GRHL1: variants seen among roughly 807,000 people sequenced by gnomAD.
GRHL1 encodes grainyhead like transcription factor 1.
In GRHL1, 38 loss-of-function variants were observed where a neutral mutation model predicts 75.7. That is an observed-to-expected ratio of 0.50 (90% CI 0.39 to 0.66). The LOEUF is 0.66. GRHL1 is among the 30% of genes least tolerant of loss of function. The probability of loss-of-function intolerance (pLI) is 0.00; values close to 1 mark genes in which losing one functional copy is unlikely to be tolerated. For synonymous variants in GRHL1, 266 were observed against 279.4 expected (o/e 0.95, Z 0.48); for missense variants, 589 against 767.5 (o/e 0.77, Z 2.75).
chr2:9,973,482 AT>A (rs573490856), intron 8 of GRHL1, among the ~76,000 whole-genome samples: 5 of 152,222 alleles, frequency 3.3e-5, no homozygotes, highest in African/African-American at 4.8e-5. Context: ...TTCCTGGCTA[AT>A]TCAACTTTGA....
rs542650437 is a variant in GRHL1, at chr2:9,993,231, T to C, written c.1486T>C (p.Leu496=). 9.9e-6 allele frequency: 16 copies of C among 1,610,756 alleles called. No individual in the cohort carries two copies. In the African/African-American group the frequency reaches 1.2e-4, roughly 12 times the overall value. The change falls in exon 12 of 16, where the codon TTG becomes CTG. Residue 496 remains leucine (L), a synonymous_variant. Coordinates refer to ENST00000324907, the MANE Select transcript of GRHL1 (RefSeq NM_198182.3). ...GGTCCTTCCCATTGCCTCTGAAGAA[T>C]TGGAGGGTGAAGGGTAAGATTTATG... ...THVLPIASEE[L]EGEGSVLKRG... is the part of the protein sequence containing the mutation.
At chr2:9,956,104 T>C (rs1330058171) in intron 2 of GRHL1, among the ~76,000 whole-genome samples, 1 of 152,262 alleles carries the variant, frequency 6.6e-6, no homozygotes, top group Non-Finnish European at 1.5e-5. Context: ...TTTTTTACAG[T>C]TTATTTTTGC....
intron 3 of GRHL1, chr2:9,960,360 A>T (rs992661891): frequency 3.3e-5 from 5 of 152,014 alleles, no homozygotes; most frequent in Non-Finnish European, 7.3e-5. Flanking sequence ...AATCGCTTGA[A>T]CCCGGGAGGC....
chr2:9,974,759 C>T lies in GRHL1; in HGVS notation c.1110+9378C>T, dbSNP rs562289172. Among the ~76,000 whole-genome samples the T allele has an allele frequency of 2.6e-5, 4 of 152,370 alleles. No homozygotes were observed. The South Asian group carries it at 8.3e-4, about 32-fold the overall frequency. On this transcript the variant is annotated intron_variant, in intron 8 of 15. Coordinates refer to ENST00000324907, the MANE Select transcript of GRHL1 (RefSeq NM_198182.3). ...CTTAGGAAGTCATGTTGCAGGGAGT[C>T]AGCTTCCCGAACTATACATTCATTC... is the stretch of plus-strand genomic sequence containing the variant.
At chr2:9,981,827 T>G (rs1215017684) in intron 8 of GRHL1, among the ~76,000 whole-genome samples, 1 of 152,132 alleles carries the variant, frequency 6.6e-6, no homozygotes, top group Non-Finnish European at 1.5e-5. Flanking sequence ...TAAGACAGGG[T>G]CTTCTCAAGG....
rs751615000 is a variant in GRHL1 at position 9,954,986 on chromosome 2, AG to A, written c.94del (p.Ala32ProfsTer17). ...CGGCGGTCCTACACTAGTGAGGATG[AG>A]GCCTGGAAATCCTTCCTGGAAAACC... ...PQRRSYTSEDEAWKSFLENPL... is the reference protein window; with the variant it reads ...PQRRSYTSEDXAWKSFLENPL... On this transcript the variant is annotated frameshift_variant, in exon 2 of 16. Transcript: ENST00000324907. LOFTEE classifies it high-confidence loss of function. 6.2e-7 allele frequency: 1 copy of A among 1,612,188 alleles called. No individual in the cohort carries two copies. The highest frequency in any genetic ancestry group is 8.5e-7 in the Non-Finnish European group (1 of 1,178,330).
chr2:9,966,487 C>T (rs1385659138), intron 8 of GRHL1: 1 of 152,114 alleles, frequency 6.6e-6, no homozygotes. Context: ...GTTTTCCTTA[C>T]AATATTAGGT....
At chr2:9,960,052 G>A (rs1667204331) in intron 3 of GRHL1, 2 of 152,164 alleles carry the variant, frequency 1.3e-5, no homozygotes, top group Non-Finnish European at 2.9e-5. Context: ...AAATCATCTT[G>A]TATTGCTCAA....
At chr2:9,973,294 C>T (rs1461766989) in intron 8 of GRHL1, among the ~76,000 whole-genome samples, 1 of 152,178 alleles carries the variant, frequency 6.6e-6, no homozygotes, top group African/African-American at 2.4e-5. Context: ...GTCTGTGACT[C>T]AGTCCCCAGT....
rs1263091688 is a variant in GRHL1 at position 9,968,582 on chromosome 2, A to T, written c.1110+3201A>T. On this transcript the variant is annotated intron_variant, in intron 8 of 15. Transcript: ENST00000324907. This position sits in a 1 kb window ranked among gnomAD's most constrained non-coding sequence, Gnocchi z 4.7. Reference sequence around the variant, plus strand: ...TGCTTGAGGTAATTTTTGCAGAGAGAAGAAGCAATTGCCTTTGAAGCATTA... The same window carrying T: ...TGCTTGAGGTAATTTTTGCAGAGAGTAGAAGCAATTGCCTTTGAAGCATTA... 6.6e-6 allele frequency among the ~76,000 whole-genome samples: 1 copy of T among 152,190 alleles called. No individual in the cohort carries two copies. The highest frequency in any genetic ancestry group is 1.5e-5 in the Non-Finnish European group (1 of 68,032).
intron 2 of GRHL1, among the ~76,000 whole-genome samples, chr2:9,957,827 A>G (rs1160157490): frequency 6.6e-6 from 1 of 152,204 alleles, no homozygotes; most frequent in Non-Finnish European, 1.5e-5. Context: ...ATCTCAGTTG[A>G]GTTATTTCTA....
At chr2:9,998,165 G>A (rs1668955278) in intron 14 of GRHL1, among the ~76,000 whole-genome samples, 1 of 152,116 alleles carries the variant, frequency 6.6e-6, no homozygotes, top group Non-Finnish European at 1.5e-5. Context: ...GCCAGCCTGA[G>A]GATGGTCTGG....
chr2:9,996,874 A>G (rs930365508), intron 14 of GRHL1, among the ~76,000 whole-genome samples: 5 of 152,242 alleles, frequency 3.3e-5, no homozygotes, highest in African/African-American at 9.6e-5. Context: ...CCGTAAGTCC[A>G]TCTTACGAGG....
At chr2:9,959,644 A>G (rs1667181736) in intron 3 of GRHL1, 1 of 152,232 alleles carries the variant, frequency 6.6e-6, no homozygotes, top group African/African-American at 2.4e-5. Flanking sequence ...TTCAAACATA[A>G]TAAAAATAGA....
At position 9,998,997 on chromosome 2, in the gene GRHL1, G is replaced by C; in HGVS notation, c.1710G>C (p.Lys570Asn). ...ACAAATACGATGTTCCCCATGACAA[G>C]ATTGGGAAAATATTCAAGAAGTGTA... ...ISDKYDVPHD[K>N]IGKIFKKCKK... The change falls in exon 15 of 16, where the codon AAG becomes AAC. Residue 570 changes from lysine to asparagine, a missense_variant. By Grantham distance (94) the Lys-to-Asn change is moderately conservative. Coordinates refer to ENST00000324907, the MANE Select transcript of GRHL1 (RefSeq NM_198182.3). The C allele has an allele frequency of 1.9e-6, 3 of 1,581,764 alleles. No homozygotes were observed. The highest frequency in any genetic ancestry group is 2.6e-6 in the Non-Finnish European group (3 of 1,160,846).
chr2:9,986,648 G>A (rs1489635417), intron 9 of GRHL1, among the ~76,000 whole-genome samples: 3 of 151,878 alleles, frequency 2.0e-5, no homozygotes, highest in Non-Finnish European at 4.4e-5. Flanking sequence ...CAACTCCTGA[G>A]CTCAGGTAAT....
rs1186392045 is a variant in GRHL1 at position 10,001,417 on chromosome 2, AAT to A, written c.*716_*717del. On this transcript the variant is annotated 3_prime_UTR_variant, in exon 16 of 16. Coordinates refer to ENST00000324907, the MANE Select transcript of GRHL1 (RefSeq NM_198182.3). ...AATGTGTACATACATGTCTTATATA[AAT>A]ATATAATATATAAATATGGTGTCTG... 6.6e-6 allele frequency: 1 copy of A among 152,312 alleles called. No homozygotes were observed. Among genetic ancestry groups the A allele is most frequent in the African/African-American group, 2.4e-5 (1 of 41,442 alleles). The allele number at this position is 152,312 out of a possible 1,614,324, so 9.4% of individuals were successfully genotyped here. A position where few individuals can be genotyped will look rare whatever the true frequency, so the allele number is the denominator to read the frequency against.
intron 8 of GRHL1, among the ~76,000 whole-genome samples, chr2:9,983,899 G>A (rs1170763861): frequency 6.6e-6 from 1 of 151,754 alleles, no homozygotes; most frequent in Non-Finnish European, 1.5e-5. Flanking sequence ...ACTCACACCT[G>A]TAATCTGAGC....
chr2:9,955,213 A>G, intron 2 of GRHL1, 112 bp downstream of exon 2: 1 of 680,402 alleles, frequency 1.5e-6, no homozygotes. Flanking sequence ...TTCTGTAGTG[A>G]CTATAAATAG....
Sources: gnomAD v4.1 joint callset for allele counts (sites outside exome capture counted in the v4.1 genomes callset) on GRCh38, gnomAD v4.1.1 for gene constraint, Gnocchi (gnomAD v3.1) non-coding constraint, MANE v1.5 for transcripts, NCBI Gene and HGNC (gene_info 2026-07-23, HGNC 2026-07-21) for gene names.